Variants in NFIA observed in about 807,000 individuals in gnomAD.
NFIA encodes the protein nuclear factor I A, also known as nuclear factor 1 A-type.
A neutral mutation model predicts 62.8 loss-of-function variants in NFIA; 8 were observed. The observed-to-expected ratio is 0.13, with a 90% CI of 0.07 to 0.23. The LOEUF (loss-of-function observed/expected upper bound fraction) is 0.23. Ranked by LOEUF, NFIA falls within the 10% of genes least tolerant of loss-of-function variation. The pLI, the probability that NFIA is intolerant of heterozygous loss-of-function variation, is 1.00. For missense variants in NFIA, 410 were observed against 642.1 expected, an observed-to-expected ratio of 0.64 and a Z score of 3.91; for synonymous variants, 235 against 238.1, an observed-to-expected ratio of 0.99 and a Z score of 0.12.
chr1:61,446,475 T>A (rs139202783), intron 10 of NFIA, among the ~76,000 whole-genome samples: 62 of 150,782 alleles, frequency 4.1e-4, no homozygotes, highest in African/African-American at 1.2e-3. Context: ...ACTTGAGGGG[T>A]GGGAGGAGAT....
intron 2 of NFIA, among the ~76,000 whole-genome samples, chr1:61,207,036 CATT>C (rs922274036): frequency 6.6e-6 from 1 of 152,100 alleles, no homozygotes; most frequent in African/African-American, 2.4e-5. Flanking sequence ...CAAAGAAAGT[CATT>C]ATGACAATGA....
At chr1:61,327,438 G>A (rs916925356) in intron 3 of NFIA, among the ~76,000 whole-genome samples, 15 of 151,326 alleles carry the variant, frequency 9.9e-5, no homozygotes, top group Middle Eastern at 3.2e-3. Flanking sequence ...GAGTCTCTGC[G>A]GTCCATTATA....
At chr1:61,109,592 A>T (rs1306904008) in intron 2 of NFIA, among the ~76,000 whole-genome samples, 1 of 151,948 alleles carries the variant, frequency 6.6e-6, no homozygotes, top group Non-Finnish European at 1.5e-5. Flanking sequence ...AATATGAAAA[A>T]TAATGGTCAA....
chr1:61,132,174 A>C (rs181914958), intron 2 of NFIA, among the ~76,000 whole-genome samples: 42 of 152,342 alleles, frequency 2.8e-4, no homozygotes, highest in Admixed American at 1.6e-3. Flanking sequence ...TGGTCAAAAA[A>C]GAATGAGGAA....
chr1:61,148,785 A>G (rs1648192246), intron 2 of NFIA, among the ~76,000 whole-genome samples: 1 of 152,208 alleles, frequency 6.6e-6, no homozygotes, highest in Admixed American at 6.5e-5. Flanking sequence ...ATGAAGGAAA[A>G]CTATTGATGA....
At chr1:61,153,305 G>C (rs577375774) in intron 2 of NFIA, among the ~76,000 whole-genome samples, 9 of 152,290 alleles carry the variant, frequency 5.9e-5, no homozygotes, top group African/African-American at 2.2e-4. Flanking sequence ...GAGTCTATAA[G>C]CATTTATGAT....
chr1:61,243,469 A>G (rs547164325), intron 2 of NFIA, among the ~76,000 whole-genome samples: 2 of 152,286 alleles, frequency 1.3e-5, no homozygotes, highest in South Asian at 4.1e-4. Flanking sequence ...AAGAGTCCAC[A>G]CCTCATTACA....
intron 3 of NFIA, among the ~76,000 whole-genome samples, chr1:61,308,002 GGTA>G (rs1659893816): frequency 6.6e-6 from 1 of 152,174 alleles, no homozygotes; most frequent in African/African-American, 2.4e-5. Context: ...TGTGAAAATG[GGTA>G]GTAGAAGTAT....
intron 10 of NFIA, among the ~76,000 whole-genome samples, chr1:61,454,540 G>A (rs1045787304): frequency 4.6e-5 from 7 of 152,188 alleles, no homozygotes; most frequent in African/African-American, 1.7e-4. Flanking sequence ...TTTTCCTTTG[G>A]ACAATGTGGT....
chr1:61,093,075 AAATT>A (rs747962426), intron 2 of NFIA, among the ~76,000 whole-genome samples: 3 of 152,230 alleles, frequency 2.0e-5, no homozygotes, highest in Non-Finnish European at 4.4e-5. Flanking sequence ...ATTTTATGCC[AAATT>A]AATTATGAAA....
intron 3 of NFIA, among the ~76,000 whole-genome samples, chr1:61,311,261 C>T (rs968050294): frequency 5.3e-5 from 8 of 152,054 alleles, no homozygotes; most frequent in African/African-American, 1.7e-4. Flanking sequence ...TTTGGTGGCA[C>T]ATGCCTATAG....
At position 61,428,039 on chromosome 1, in the gene NFIA, T is replaced by C. The variant is rs1483633524; in HGVS notation, c.1512+1483T>C. On this transcript the variant is annotated intron_variant, in intron 10 of 10. Transcript: ENST00000403491. ...GGGAAAACTGGAGATGGTGGCTCTA[T>C]ATTGGATGATTGCTTTTCCCAAAGC... Among the ~76,000 whole-genome samples the C allele has an allele frequency of 5.3e-5, 8 of 152,218 alleles. No homozygotes were observed. The East Asian group carries it at 1.5e-3, about 29-fold the overall frequency.
At chr1:61,451,214 C>T (rs1172679717) in intron 10 of NFIA, among the ~76,000 whole-genome samples, 2 of 152,102 alleles carry the variant, frequency 1.3e-5, no homozygotes, top group South Asian at 2.1e-4. Flanking sequence ...AGAATCCCAG[C>T]GGAATGGGAT....
At chr1:61,343,444 A>T (rs904773942) in intron 4 of NFIA, among the ~76,000 whole-genome samples, 12 of 152,188 alleles carry the variant, frequency 7.9e-5, no homozygotes, top group African/African-American at 9.7e-5. Flanking sequence ...TGTTCACAAG[A>T]CAGGGATGTG....
intron 2 of NFIA, among the ~76,000 whole-genome samples, chr1:61,240,306 G>A (rs921820616): frequency 1.3e-5 from 2 of 151,944 alleles, no homozygotes; most frequent in Non-Finnish European, 1.5e-5. Context: ...ATTGAAACTA[G>A]AATACAAGTC....
chr1:61,335,641 G>A (rs1438296493), intron 4 of NFIA, among the ~76,000 whole-genome samples: 2 of 152,076 alleles, frequency 1.3e-5, no homozygotes, highest in East Asian at 1.9e-4. Flanking sequence ...TTGGGAGTTC[G>A]AGACCAGCCT....
intron 2 of NFIA, among the ~76,000 whole-genome samples, chr1:61,187,731 T>C (rs1046312860): frequency 2.0e-5 from 3 of 152,202 alleles, no homozygotes; most frequent in African/African-American, 7.2e-5. Flanking sequence ...TTAAAAAGCA[T>C]TTAATGTTTT....
rs1008274847 is a variant in NFIA at position 61,443,218 on chromosome 1, TC to T, written c.1513-12083del. ...GCACATGAAGATGAGGTTTCTGTCT[TC>T]CGCCAGACAGAGAGGAATCCCCTTC... On this transcript the variant is annotated intron_variant, in intron 10 of 10. Coordinates refer to ENST00000403491, the MANE Select transcript of NFIA (RefSeq NM_001134673.4). 2.6e-5 allele frequency among the ~76,000 whole-genome samples: 4 copies of T among 152,298 alleles called. No homozygotes were observed. In the East Asian group the frequency reaches 5.8e-4, roughly 22 times the overall value.
intron 3 of NFIA, among the ~76,000 whole-genome samples, chr1:61,298,131 G>A (rs1411041676): frequency 1.3e-5 from 2 of 152,148 alleles, no homozygotes; most frequent in African/African-American, 4.8e-5. Context: ...AGGGAGGGAA[G>A]TGATTGGATT....
Sources: gnomAD v4.1 joint callset for allele counts (sites outside exome capture counted in the v4.1 genomes callset) on GRCh38, gnomAD v4.1.1 for gene constraint, MANE v1.5 for transcripts, NCBI Gene and HGNC (gene_info 2026-07-23, HGNC 2026-07-21) for gene names.